The following ADORA2B variants were observed in gnomAD, a reference collection of about 807,000 sequenced individuals.
The protein encoded by ADORA2B is adenosine receptor A2b.
Under a neutral mutation model 20.8 loss-of-function variants are expected in ADORA2B, and 18 were observed. That is an observed-to-expected ratio of 0.87 (90% CI 0.60 to 1.29). The LOEUF (loss-of-function observed/expected upper bound fraction) is 1.29. Among genes scored for constraint, ADORA2B ranks in the 50% most tolerant of loss-of-function variants. The pLI is 0.00. For missense variants in ADORA2B, 441 were observed against 422.7 expected (o/e 1.04, Z -0.38); for synonymous variants, 179 against 178.3 (o/e 1.00, Z -0.03).
the ADORA2B span, chr17:15,860,806 A>T: frequency 7.0e-5 from 12 of 172,164 alleles, no homozygotes; most frequent in Non-Finnish European, 1.3e-4. Context: ...ATAGGTGATT[A>T]TGTGGTCGTT....
At chr17:15,916,316 G>A in the ADORA2B span, among the ~76,000 whole-genome samples, 3 of 152,220 alleles carry the variant, frequency 2.0e-5, no homozygotes, top group African/African-American at 4.8e-5. Flanking sequence ...GTCTGAGCCA[G>A]CCCCTGAGTT....
At chr17:15,952,547 AC>A (rs146626139) in intron 1 of ADORA2B, among the ~76,000 whole-genome samples, 5,497 of 152,206 alleles carry the variant, frequency 0.036, 165 homozygotes, top group Non-Finnish European at 0.054. Flanking sequence ...CCCCGAGGTC[AC>A]CCCCAAACAC....
intron 1 of ADORA2B, among the ~76,000 whole-genome samples, chr17:15,947,575 G>C (rs1205317533): frequency 6.6e-6 from 1 of 152,212 alleles, no homozygotes; most frequent in African/African-American, 2.4e-5. Context: ...CCCGTCCAGA[G>C]CTTGGAGGTC....
At chr17:15,863,377 G>T in the ADORA2B span, among the ~76,000 whole-genome samples, 32 of 151,962 alleles carry the variant, frequency 2.1e-4, no homozygotes, top group African/African-American at 6.8e-4. Flanking sequence ...TGGGGGTCTC[G>T]CTCTGTTGCC....
chr17:15,970,321 T>C (rs1970176004), intron 1 of ADORA2B, among the ~76,000 whole-genome samples: 1 of 152,206 alleles, frequency 6.6e-6, no homozygotes, highest in South Asian at 2.1e-4. Flanking sequence ...TTTAATTAGC[T>C]GCTTTTCCTT....
intron 1 of ADORA2B, among the ~76,000 whole-genome samples, chr17:15,964,877 C>A (rs144428850): frequency 6.6e-6 from 1 of 151,812 alleles, no homozygotes; most frequent in East Asian, 1.9e-4. Context: ...CTGGCTAACA[C>A]GGTGAAACCC....
chr17:15,887,970 A>G, the ADORA2B span, among the ~76,000 whole-genome samples: 6 of 107,136 alleles, frequency 5.6e-5, 1 homozygote, highest in African/African-American at 2.5e-4. Context: ...AAAAAAAAAA[A>G]AAAAAAAAAA....
At chr17:15,957,517 GAGA>G (rs1969982422) in intron 1 of ADORA2B, among the ~76,000 whole-genome samples, 1 of 152,178 alleles carries the variant, frequency 6.6e-6, no homozygotes, top group Non-Finnish European at 1.5e-5. Flanking sequence ...GGACATGAAG[GAGA>G]AGAAGACTCC....
the ADORA2B span, among the ~76,000 whole-genome samples, chr17:15,875,066 G>A: frequency 6.6e-6 from 1 of 152,058 alleles, no homozygotes; most frequent in African/African-American, 2.4e-5. Flanking sequence ...TACTAGTACA[G>A]TTGCTTTGCT....
intron 1 of ADORA2B, among the ~76,000 whole-genome samples, chr17:15,972,958 A>G (rs539951296): frequency 1.3e-5 from 2 of 152,236 alleles, no homozygotes; most frequent in East Asian, 3.9e-4. Flanking sequence ...ATGGAGTTTC[A>G]CCATGTTGCC....
At chr17:15,933,100 C>T in the ADORA2B span, among the ~76,000 whole-genome samples, 2 of 151,912 alleles carry the variant, frequency 1.3e-5, no homozygotes, top group East Asian at 1.9e-4. Flanking sequence ...GGACTACAAG[C>T]GCCCGCTACC....
intron 1 of ADORA2B, among the ~76,000 whole-genome samples, chr17:15,973,412 T>G (rs1340585940): frequency 6.6e-6 from 1 of 152,256 alleles, no homozygotes; most frequent in African/African-American, 2.4e-5. Flanking sequence ...AGTAGGGATC[T>G]CTGTGTGTTC....
rs1052485846 is a variant in ADORA2B at position 15,974,533 on chromosome 17, T to C, written c.336-146T>C. On this transcript the variant is annotated intron_variant, in intron 1 of 1. Coordinates refer to ENST00000304222, the MANE Select transcript of ADORA2B (RefSeq NM_000676.4). ...CTGCTCATCCCTGCTTGCATGTCTT[T>C]AGTATTGAGGGTAAAGGCCTTAGTG... The C allele has an allele frequency of 3.7e-5, 24 of 655,164 alleles. No individual in the cohort carries two copies. In the African/African-American group the frequency reaches 4.2e-4, roughly 11 times the overall value. 40.6% of individuals were successfully genotyped at this position (655,164 alleles called of 1,614,324 possible).
the ADORA2B span, among the ~76,000 whole-genome samples, chr17:15,855,534 G>A: frequency 6.6e-6 from 1 of 151,414 alleles, no homozygotes; most frequent in Non-Finnish European, 1.5e-5. Flanking sequence ...TTTTCTTCAA[G>A]GGTTTTCCTT....
chr17:15,852,472 T>C, the ADORA2B span, among the ~76,000 whole-genome samples: 5 of 151,988 alleles, frequency 3.3e-5, no homozygotes, highest in Non-Finnish European at 5.9e-5. Context: ...ATTAAAAAAA[T>C]ATATGGTGTC....
the ADORA2B span, among the ~76,000 whole-genome samples, chr17:15,934,516 G>A: frequency 2.7e-3 from 413 of 152,180 alleles, no homozygotes; most frequent in Non-Finnish European, 5.0e-3. Context: ...GAGCCACCGC[G>A]CCCGACCTCT....
chr17:15,974,670 T>C lies in ADORA2B; in HGVS notation c.336-9T>C, dbSNP rs1328816119. 3 of 1,609,438 alleles carry C rather than the reference T, an allele frequency of 1.9e-6. No individual in the cohort carries two copies. Among genetic ancestry groups the C allele is most frequent in the Non-Finnish European group, 2.5e-6 (3 of 1,177,038 alleles). The stretch of plus-strand genomic sequence containing the variant: ...AACTGACCGTAACAGATGGTATTCT[T>C]TTAAACAGGTATAAAAGTTTGGTCA... On this transcript the variant is annotated splice_polypyrimidine_tract_variant and intron_variant, in intron 1 of 1. Transcript: ENST00000304222.
the ADORA2B span, among the ~76,000 whole-genome samples, chr17:15,939,896 C>T: frequency 2.8e-5 from 4 of 145,314 alleles, no homozygotes; most frequent in African/African-American, 1.0e-4. Flanking sequence ...GTTACATTTT[C>T]TCTGAATGTC....
At chr17:15,854,742 C>T in the ADORA2B span, among the ~76,000 whole-genome samples, 1 of 152,158 alleles carries the variant, frequency 6.6e-6, no homozygotes, top group Non-Finnish European at 1.5e-5. Flanking sequence ...CTCACAATGG[C>T]CCTCCTCACT....
Sources: allele counts gnomAD v4.1 joint callset (sites outside exome capture counted in the v4.1 genomes callset), GRCh38; gene constraint gnomAD v4.1.1; transcripts MANE v1.5; gene names NCBI Gene and HGNC (gene_info 2026-07-23, HGNC 2026-07-21).